ADGRV1: variants seen among roughly 807,000 people sequenced by gnomAD.
The protein encoded by ADGRV1 is G-protein coupled receptor 98.
In ADGRV1, 359 loss-of-function variants were observed where a neutral mutation model predicts 596.2. The ratio of observed to expected loss-of-function variants is 0.60; its 90% CI spans 0.55 to 0.66. The LOEUF (loss-of-function observed/expected upper bound fraction) is 0.66. Ranked by LOEUF, ADGRV1 falls within the 30% of genes least tolerant of loss-of-function variation. The probability of loss-of-function intolerance (pLI) is 0.00; values close to 1 mark genes in which losing one functional copy is unlikely to be tolerated. For synonymous variants in ADGRV1, 2,681 were observed against 2,679.2 expected (o/e 1.00, Z -0.02); for missense variants, 7,274 against 7,575.6 (o/e 0.96, Z 1.48).
At chr5:90,673,605 C>T (rs995314150) in intron 22 of ADGRV1, among the ~76,000 whole-genome samples, 1 of 152,022 alleles carries the variant, frequency 6.6e-6, no homozygotes, top group Non-Finnish European at 1.5e-5. Context: ...CTGGTGAGGG[C>T]TTACTCTGCT....
At chr5:90,594,884 C>G (rs1760055069) in intron 1 of ADGRV1, among the ~76,000 whole-genome samples, 1 of 150,452 alleles carries the variant, frequency 6.6e-6, no homozygotes. Context: ...ATGTCTACTT[C>G]TTTCTACACA....
chr5:90,559,929 T>G (rs1754589994), intron 1 of ADGRV1, among the ~76,000 whole-genome samples: 2 of 152,254 alleles, frequency 1.3e-5, no homozygotes, highest in Admixed American at 1.3e-4. Context: ...AATGATATCT[T>G]AGGCAGGATA....
chr5:90,981,802 A>G lies in ADGRV1; in HGVS notation c.17974-3542A>G, dbSNP rs1006018867. Among the ~76,000 whole-genome samples the G allele has an allele frequency of 2.0e-5, 3 of 152,252 alleles. No individual in the cohort carries two copies. In the South Asian group the frequency reaches 6.2e-4, roughly 31 times the overall value. On this transcript the variant is annotated intron_variant, in intron 84 of 89. Coordinates refer to ENST00000405460, the MANE Select transcript of ADGRV1 (RefSeq NM_032119.4). ...TCATGTAAATGCAGGACAATAAACA[A>G]TGCTGTACAGAAGTGCACAGGGAGC...
intron 21 of ADGRV1, among the ~76,000 whole-genome samples, chr5:90,664,434 G>GA (rs1486198424): frequency 6.6e-6 from 1 of 151,918 alleles, no homozygotes. Context: ...TGGTGTATAA[G>GA]AATGCTTGAG....
At chr5:90,950,207 T>C (rs1776940714) in intron 83 of ADGRV1, among the ~76,000 whole-genome samples, 1 of 152,228 alleles carries the variant, frequency 6.6e-6, no homozygotes, top group Non-Finnish European at 1.5e-5. Context: ...ATATCTCTCT[T>C]AGTGTATGTA....
intron 1 of ADGRV1, among the ~76,000 whole-genome samples, chr5:90,560,556 C>T (rs546221347): frequency 1.3e-5 from 2 of 152,158 alleles, no homozygotes; most frequent in Admixed American, 6.5e-5. Flanking sequence ...TCCAAATGCT[C>T]TTAGGACCTA....
At chr5:90,848,062 G>C (rs574767098) in intron 78 of ADGRV1, among the ~76,000 whole-genome samples, 1 of 151,650 alleles carries the variant, frequency 6.6e-6, no homozygotes, top group South Asian at 2.1e-4. Flanking sequence ...TTTTTCCCCT[G>C]TCTCTCAAAA....
intron 4 of ADGRV1, among the ~76,000 whole-genome samples, chr5:90,620,783 A>C (rs1763964183): frequency 6.6e-6 from 1 of 152,182 alleles, no homozygotes; most frequent in Non-Finnish European, 1.5e-5. Flanking sequence ...TATAAGGTGT[A>C]AGGAAGGGAT....
chr5:90,888,517 A>T (rs1770512795), intron 83 of ADGRV1, among the ~76,000 whole-genome samples: 1 of 152,174 alleles, frequency 6.6e-6, no homozygotes, highest in Non-Finnish European at 1.5e-5. Flanking sequence ...AGTTGGAATG[A>T]TACATTCAAA....
intron 85 of ADGRV1, among the ~76,000 whole-genome samples, chr5:91,062,953 C>CTTTTT (rs70973726): frequency 3.7e-5 from 3 of 80,838 alleles, no homozygotes; most frequent in African/African-American, 8.8e-5. Flanking sequence ...GTTTCTCAAA[C>CTTTTT]TTTTTTTTTT....
In ADGRV1 at chr5:90,738,331, T is replaced by G. The variant is rs542216737; in HGVS notation, c.10550-6715T>G. ...AGTTTTGTCTTTTAAACCTGAGAGA[T>G]AAATTTGCTTTATATAATCACCTTA... is the stretch of plus-strand genomic sequence containing the variant. On this transcript the variant is annotated intron_variant, in intron 50 of 89. Transcript: ENST00000405460. 2.6e-3 allele frequency among the ~76,000 whole-genome samples: 391 copies of G among 152,294 alleles called. 2 individuals are homozygous for G. Among genetic ancestry groups the G allele is most frequent in the Non-Finnish European group, 3.5e-3 (239 of 67,972 alleles).
Position 90,789,734 on chromosome 5 carries a change from T to C in ADGRV1, c.13926T>C (p.Val4642=), listed in dbSNP as rs1759864746. The change falls in exon 69 of 90, where the codon GTT becomes GTC. Residue 4642 remains valine (V), a synonymous_variant. Coordinates refer to ENST00000405460, the MANE Select transcript of ADGRV1 (RefSeq NM_032119.4). The part of the protein sequence containing the change: ...IQEFGDPNGV[V]QFAPETLSKK... Reference sequence around the variant, plus strand: ...AGTTTGGTGACCCAAATGGAGTTGTTCAGTTTGCTCCTGAAACTTTGTCTA... The same window carrying C: ...AGTTTGGTGACCCAAATGGAGTTGTCCAGTTTGCTCCTGAAACTTTGTCTA... The C allele has an allele frequency of 1.3e-6, 2 of 1,559,974 alleles. No individual in the cohort carries two copies. Among genetic ancestry groups the C allele is most frequent in the Admixed American group, 1.9e-5 (1 of 53,176 alleles).
intron 67 of ADGRV1, among the ~76,000 whole-genome samples, chr5:90,785,344 G>A (rs564909692): frequency 6.6e-6 from 1 of 152,110 alleles, no homozygotes; most frequent in Non-Finnish European, 1.5e-5. Flanking sequence ...CATAGGCGTG[G>A]GCAAGGACTT....
chr5:90,780,678 ATTTTTCTTTCTTTC>A (rs1296029358), intron 64 of ADGRV1, among the ~76,000 whole-genome samples: 123 of 151,956 alleles, frequency 8.1e-4, no homozygotes, highest in African/African-American at 2.7e-3. Context: ...TTTCTTTTTT[ATTTTTCTTTCTTTC>A]TTTTTCTTTC....
rs1745242362 is a variant in ADGRV1 at position 90,683,727 on chromosome 5, T to C, written c.5806T>C (p.Leu1936=). ...GAGCGCCAATATCACTGTGGAGATA[T>C]TGCCTGACGAAGACCCAGAACTGGA... is the stretch of plus-strand genomic sequence containing the variant. ...QTSANITVEI[L]PDEDPELDKA... is the part of the protein sequence containing the mutation. Residue 1936 remains leucine (L), a synonymous_variant, in exon 28 of 90, where the codon TTG becomes CTG. Coordinates refer to ENST00000405460, the MANE Select transcript of ADGRV1 (RefSeq NM_032119.4). The C allele has an allele frequency of 2.5e-6, 4 of 1,613,894 alleles. No homozygotes were observed. The highest frequency in any genetic ancestry group is 2.5e-6 in the Non-Finnish European group (3 of 1,179,868).
rs898508360 is a variant in ADGRV1 at position 90,995,709 on chromosome 5, G to A, written c.18152+10187G>A. On this transcript the variant is annotated intron_variant, in intron 85 of 89. Transcript: ENST00000405460. ...GAGGGAAAGTTTGTAACTTTCTAGA[G>A]ACTTGTTAAATTATTGTGACCAAAG... 2.4e-4 allele frequency among the ~76,000 whole-genome samples: 36 copies of A among 152,160 alleles called. 1 individual carries two copies. Among genetic ancestry groups the A allele is most frequent in the African/African-American group, 8.2e-4 (34 of 41,420 alleles).
chr5:90,862,847 T>G (rs1767737488), intron 82 of ADGRV1, among the ~76,000 whole-genome samples: 1 of 152,224 alleles, frequency 6.6e-6, no homozygotes, highest in Non-Finnish European at 1.5e-5. Flanking sequence ...CTTTTGCAGA[T>G]GCCCAGTCCA....
Position 90,692,725 on chromosome 5 carries a change from G to A in ADGRV1, c.7072G>A (p.Val2358Ile), listed in dbSNP as rs1746645463. The stretch of plus-strand genomic sequence containing the variant: ...TGGTACAGTAGCCTTTGCTCAGATG[G>A]TTTATCGTGTTCAAGAGCCTCTGGA... ...PYGTVAFAQM[V>I]YRVQEPLERS... Residue 2358 changes from valine (V) to isoleucine (I), a missense_variant, in exon 32 of 90, where the codon GTT (valine) becomes ATT (isoleucine). Physicochemically the swap from Val to Ile is conservative, Grantham distance 29. Transcript: ENST00000405460. The A allele has an allele frequency of 1.2e-6, 2 of 1,609,250 alleles. No homozygotes were observed. Among genetic ancestry groups the A allele is most frequent in the Non-Finnish European group, 8.5e-7 (1 of 1,177,774 alleles).
chr5:90,934,924 C>A (rs971380347), intron 83 of ADGRV1, among the ~76,000 whole-genome samples: 2 of 152,146 alleles, frequency 1.3e-5, no homozygotes, highest in African/African-American at 4.8e-5. Flanking sequence ...TACAAGGGCA[C>A]TAATCCCATG....
Sources: gnomAD v4.1 joint callset for allele counts (sites outside exome capture counted in the v4.1 genomes callset) on GRCh38, gnomAD v4.1.1 for gene constraint, MANE v1.5 for transcripts, NCBI Gene and HGNC (gene_info 2026-07-23, HGNC 2026-07-21) for gene names.